Variants in FGF12 observed in about 807,000 individuals in gnomAD.
FGF12 encodes fibroblast growth factor 12B.
FGF12 carries 14 observed loss-of-function variants against 23.6 expected under a neutral mutation model. That is an observed-to-expected ratio of 0.59 (90% confidence interval 0.39 to 0.93). The LOEUF is 0.93. FGF12 is among the 40% of genes least tolerant of loss of function. The probability of loss-of-function intolerance (pLI) is 0.00; values close to 1 mark genes in which losing one functional copy is unlikely to be tolerated. For synonymous variants in FGF12, 62 were observed against 77.3 expected, an observed-to-expected ratio of 0.80 and a Z score of 1.04; for missense variants, 175 against 217.8, an observed-to-expected ratio of 0.80 and a Z score of 1.24.
chr3:192,260,539 A>G (rs1189315012), intron 4 of FGF12, among the ~76,000 whole-genome samples: 1 of 152,166 alleles, frequency 6.6e-6, no homozygotes, highest in African/African-American at 2.4e-5. Flanking sequence ...GTATTACACA[A>G]ATCTCCATAT....
intron 2 of FGF12, among the ~76,000 whole-genome samples, chr3:192,398,379 CTTTTTT>C (rs1720614805): frequency 1.7e-5 from 1 of 60,406 alleles, no homozygotes; most frequent in Non-Finnish European, 3.6e-5. Flanking sequence ...CTTATATTTT[CTTTTTT>C]CTTTTTTTTT....
At chr3:192,407,691 G>A (rs556066555) in intron 2 of FGF12, among the ~76,000 whole-genome samples, 10 of 143,972 alleles carry the variant, frequency 6.9e-5, no homozygotes, top group Non-Finnish European at 1.2e-4. Flanking sequence ...ATGGGAGAGC[G>A]GGAGAGAGAG....
At chr3:192,319,646 A>C (rs914133650) in intron 4 of FGF12, among the ~76,000 whole-genome samples, 1 of 152,072 alleles carries the variant, frequency 6.6e-6, no homozygotes, top group Non-Finnish European at 1.5e-5. Flanking sequence ...CTTTCAAGAC[A>C]TGGATAGTAT....
At chr3:192,162,777 C>T (rs566923481) in intron 5 of FGF12, among the ~76,000 whole-genome samples, 2 of 152,188 alleles carry the variant, frequency 1.3e-5, no homozygotes, top group South Asian at 2.1e-4. Flanking sequence ...AGTTTTAAAA[C>T]ATCAGGACTC....
chr3:192,394,835 T>G (rs962378930), intron 2 of FGF12, among the ~76,000 whole-genome samples: 3 of 152,054 alleles, frequency 2.0e-5, no homozygotes, highest in African/African-American at 7.2e-5. Flanking sequence ...ACTTTAAAAG[T>G]AAGAGAAAAG....
At chr3:192,345,442 C>T (rs1409790031) in intron 3 of FGF12, among the ~76,000 whole-genome samples, 1 of 42,896 alleles carries the variant, frequency 2.3e-5, no homozygotes, top group Non-Finnish European at 3.4e-5. Flanking sequence ...AATCCCAGCA[C>T]TTTGGGAGGC....
intron 2 of FGF12, among the ~76,000 whole-genome samples, chr3:192,528,440 C>T (rs1577037668): frequency 6.6e-6 from 1 of 152,258 alleles, no homozygotes; most frequent in East Asian, 1.9e-4. Flanking sequence ...GGTAGAGCCT[C>T]TCTCTCAGTT....
chr3:192,561,455 T>C (rs546378449), intron 2 of FGF12, among the ~76,000 whole-genome samples: 15 of 152,072 alleles, frequency 9.9e-5, no homozygotes, highest in South Asian at 2.1e-4. Context: ...CTCCACCTCC[T>C]GGGTTCAAGC....
In FGF12 at chr3:192,167,619, C is replaced by G. The variant is rs548602561; in HGVS notation, c.427+2839G>C. 2.3e-4 allele frequency among the ~76,000 whole-genome samples: 34 copies of G among 150,114 alleles called. No homozygotes were observed. In the Middle Eastern group the frequency reaches 0.01, roughly 46 times the overall value. On this transcript the variant is annotated intron_variant, in intron 5 of 5. Coordinates refer to ENST00000445105, the MANE Select transcript of FGF12 (RefSeq NM_004113.6). ...GTGTTGTGTGAAGACAACCTTAATTCTAATCCATATAGGAATGTCCAGTTG... is the reference window on the plus strand; with the variant it reads ...GTGTTGTGTGAAGACAACCTTAATTGTAATCCATATAGGAATGTCCAGTTG...
intron 2 of FGF12, among the ~76,000 whole-genome samples, chr3:192,492,303 T>C (rs1410496741): frequency 2.0e-5 from 3 of 152,184 alleles, no homozygotes; most frequent in African/African-American, 7.2e-5. Flanking sequence ...TTCATGTTTC[T>C]AACAAATTAG....
intron 4 of FGF12, among the ~76,000 whole-genome samples, chr3:192,314,277 A>T (rs964473094): frequency 6.8e-6 from 1 of 148,140 alleles, no homozygotes; most frequent in African/African-American, 2.5e-5. Context: ...TTAAAATTAA[A>T]AATTAAAATT....
intron 4 of FGF12, among the ~76,000 whole-genome samples, chr3:192,200,329 A>C (rs1030345654): frequency 6.7e-6 from 1 of 148,428 alleles, no homozygotes; most frequent in Non-Finnish European, 1.5e-5. Context: ...AGTCCATCTT[A>C]AAAAAAAAAG....
At chr3:192,400,457 C>T (rs542236404) in intron 2 of FGF12, among the ~76,000 whole-genome samples, 1 of 151,492 alleles carries the variant, frequency 6.6e-6, no homozygotes, top group South Asian at 2.1e-4. Context: ...CAACTTCCGC[C>T]TCCCGGGTTC....
chr3:192,683,636 T>A (rs550560909), intron 2 of FGF12, among the ~76,000 whole-genome samples: 41 of 152,140 alleles, frequency 2.7e-4, no homozygotes, highest in East Asian at 5.8e-4. Context: ...TAAAAAAAAA[T>A]TTTTTTCTAG....
chr3:192,227,735 A>G (rs1166155793), intron 4 of FGF12, among the ~76,000 whole-genome samples: 4 of 152,152 alleles, frequency 2.6e-5, no homozygotes, highest in African/African-American at 9.6e-5. Context: ...ACGAACCATC[A>G]TTGACAAACG....
At chr3:192,566,274 C>G (rs923974454) in intron 2 of FGF12, among the ~76,000 whole-genome samples, 1 of 152,198 alleles carries the variant, frequency 6.6e-6, no homozygotes, top group Non-Finnish European at 1.5e-5. Context: ...AGACTTTACT[C>G]TCAATCACTG....
At chr3:192,364,657 T>C (rs1718889957) in intron 2 of FGF12, among the ~76,000 whole-genome samples, 2 of 152,170 alleles carry the variant, frequency 1.3e-5, no homozygotes, top group African/African-American at 4.8e-5. Context: ...CAGATTAAGA[T>C]AACATAGCCC....
chr3:192,150,588 C>A (rs1337478110), intron 5 of FGF12, among the ~76,000 whole-genome samples: 1 of 144,840 alleles, frequency 6.9e-6, no homozygotes, highest in Non-Finnish European at 1.5e-5. Context: ...TTCCCCATTG[C>A]TTGGTTTTCT....
chr3:192,578,068 A>T (rs1423250330), intron 2 of FGF12, among the ~76,000 whole-genome samples: 1 of 152,234 alleles, frequency 6.6e-6, no homozygotes, highest in Non-Finnish European at 1.5e-5. Context: ...CATTCACTTC[A>T]TGAAAGATAA....
Sources: allele counts gnomAD v4.1 joint callset (sites outside exome capture counted in the v4.1 genomes callset), GRCh38; gene constraint gnomAD v4.1.1; transcripts MANE v1.5; gene names NCBI Gene and HGNC (gene_info 2026-07-23, HGNC 2026-07-21).